CNTN5: variants seen among roughly 807,000 people sequenced by gnomAD.
CNTN5 encodes contactin-5.
In CNTN5, 77 loss-of-function variants were observed where a neutral mutation model predicts 129.1. The observed-to-expected ratio is 0.60, with a 90% confidence interval of 0.50 to 0.72. CNTN5 has a LOEUF of 0.72. Among genes scored for constraint, CNTN5 ranks in the 30% least tolerant of loss-of-function variants. CNTN5 has a pLI of 0.00. For missense variants in CNTN5, 1,478 were observed against 1,328.8 expected, an observed-to-expected ratio of 1.11 and a Z score of -1.75; for synonymous variants, 509 against 465.6, an observed-to-expected ratio of 1.09 and a Z score of -1.20.
chr11:100,340,969 G>T (rs1952145768), intron 22 of CNTN5, 124 bp from the exon 23 acceptor site: 1 of 724,158 alleles, frequency 1.4e-6, no homozygotes, highest in African/African-American at 1.8e-5. Flanking sequence ...ACTCCAGCTG[G>T]AAGGAAGCCT....
At chr11:99,514,390 C>T (rs970635558) in intron 2 of CNTN5, among the ~76,000 whole-genome samples, 3 of 152,026 alleles carry the variant, frequency 2.0e-5, no homozygotes, top group African/African-American at 7.2e-5. Flanking sequence ...AGAGGATTGA[C>T]TTCAATTCTG....
intron 2 of CNTN5, among the ~76,000 whole-genome samples, chr11:99,343,311 C>T (rs1424081119): frequency 6.6e-6 from 1 of 152,170 alleles, no homozygotes; most frequent in Admixed American, 6.5e-5. Context: ...GTATGTGTTG[C>T]TCCAAAGAAT....
chr11:100,256,055 T>C, intron 17 of CNTN5, 137 bp downstream of exon 17: 1 of 784,374 alleles, frequency 1.3e-6, no homozygotes, highest in Non-Finnish European at 2.0e-6. Context: ...GACAATTCTT[T>C]GCTTCTTTTT....
At chr11:99,158,450 T>C (rs1454812927) in intron 1 of CNTN5, among the ~76,000 whole-genome samples, 1 of 152,198 alleles carries the variant, frequency 6.6e-6, no homozygotes, top group African/African-American at 2.4e-5. Context: ...ATTTTATTCC[T>C]TATTATTTCT....
chr11:99,774,336 T>G lies in CNTN5; in HGVS notation c.56-45208T>G, dbSNP rs577010293. Among the ~76,000 whole-genome samples the G allele has an allele frequency of 3.9e-5, 6 of 152,074 alleles. No individual in the cohort carries two copies. The East Asian group carries it at 1.2e-3, about 29-fold the overall frequency. ...ATTAGCTTTAGAAAACTTCAGGTTT[T>G]TTTTTTGGGGGGGTGGGTGTTAAAT... On this transcript the variant is annotated intron_variant, in intron 3 of 24. Coordinates refer to ENST00000524871, the MANE Select transcript of CNTN5 (RefSeq NM_014361.4).
chr11:100,043,271 T>C (rs1198579133), intron 9 of CNTN5, among the ~76,000 whole-genome samples: 1 of 152,186 alleles, frequency 6.6e-6, no homozygotes, highest in East Asian at 1.9e-4. Context: ...ATATGGCATA[T>C]TCATAATGTC....
intron 7 of CNTN5, among the ~76,000 whole-genome samples, chr11:99,945,623 G>A (rs183479915): frequency 1.3e-5 from 2 of 151,372 alleles, no homozygotes; most frequent in South Asian, 2.1e-4. Context: ...AATCCTACCC[G>A]CTCAGTGTTA....
At chr11:99,923,761 A>G (rs7108002) in intron 7 of CNTN5, among the ~76,000 whole-genome samples, 3,816 of 85,748 alleles carry the variant, frequency 0.045, 76 homozygotes, top group African/African-American at 0.11. Context: ...CTGTCTGTCT[A>G]TCTATCTATC....
At chr11:99,689,751 T>C (rs933435844) in intron 3 of CNTN5, among the ~76,000 whole-genome samples, 1 of 152,042 alleles carries the variant, frequency 6.6e-6, no homozygotes, top group Non-Finnish European at 1.5e-5. Context: ...TCTCTTCATG[T>C]CCTTTGGCCA....
chr11:99,534,539 G>A (rs1565269740), intron 2 of CNTN5, among the ~76,000 whole-genome samples: 2 of 152,130 alleles, frequency 1.3e-5, no homozygotes, highest in Non-Finnish European at 2.9e-5. Flanking sequence ...GACAATTTAT[G>A]CTATAAGTCA....
intron 3 of CNTN5, among the ~76,000 whole-genome samples, chr11:99,796,830 GT>G (rs1017414872): frequency 3.9e-5 from 6 of 152,042 alleles, no homozygotes; most frequent in African/African-American, 1.2e-4. Flanking sequence ...CACTGGCTGG[GT>G]TTTTTTCCCC....
chr11:99,099,450 A>G lies in CNTN5; in HGVS notation c.-210+78180A>G, dbSNP rs145172638. On this transcript the variant is annotated intron_variant, in intron 1 of 24. Transcript: ENST00000524871. ...TATTGGAGAACTTACCGTTATGAAC[A>G]AATTTATAGATAATGTTGCAAAAGA... Among the ~76,000 whole-genome samples the G allele has an allele frequency of 9.3e-4, 142 of 152,190 alleles. 5 individuals carry two copies. In the East Asian group the frequency reaches 0.025, roughly 26 times the overall value.
At chr11:99,702,263 A>G (rs991877512) in intron 3 of CNTN5, among the ~76,000 whole-genome samples, 10 of 151,002 alleles carry the variant, frequency 6.6e-5, no homozygotes, top group Admixed American at 2.0e-4. Flanking sequence ...CATATTTCAT[A>G]TGGGTAGCAA....
intron 13 of CNTN5, among the ~76,000 whole-genome samples, chr11:100,166,036 T>A (rs914894438): frequency 6.6e-6 from 1 of 151,740 alleles, no homozygotes; most frequent in African/African-American, 2.4e-5. Flanking sequence ...GTTTACCTTC[T>A]AAATGATTGG....
At chr11:99,553,296 C>T (rs890766700) in intron 2 of CNTN5, among the ~76,000 whole-genome samples, 2 of 152,014 alleles carry the variant, frequency 1.3e-5, no homozygotes, top group African/African-American at 4.8e-5. Context: ...GTACATTAAA[C>T]TGGTAGCCAA....
At chr11:99,592,658 A>G (rs916240230) in intron 3 of CNTN5, among the ~76,000 whole-genome samples, 3 of 152,144 alleles carry the variant, frequency 2.0e-5, no homozygotes, top group Non-Finnish European at 4.4e-5. Context: ...AGAAAAGGGA[A>G]AAAAAGGTAC....
At chr11:99,812,921 A>T (rs562057455) in intron 3 of CNTN5, among the ~76,000 whole-genome samples, 1 of 151,892 alleles carries the variant, frequency 6.6e-6, no homozygotes, top group South Asian at 2.1e-4. Flanking sequence ...TATTACATGT[A>T]TTATAGTTCT....
chr11:99,392,506 C>T (rs1412671363), intron 2 of CNTN5, among the ~76,000 whole-genome samples: 1 of 151,804 alleles, frequency 6.6e-6, no homozygotes, highest in African/African-American at 2.4e-5. Flanking sequence ...TCATCCAGCC[C>T]ATCTGATGAT....
chr11:99,761,307 G>A lies in CNTN5; in HGVS notation c.56-58237G>A, dbSNP rs553267386. On this transcript the variant is annotated intron_variant, in intron 3 of 24. Coordinates refer to ENST00000524871, the MANE Select transcript of CNTN5 (RefSeq NM_014361.4). ...ATACTTTAAGTTTTAGGGTACGTGT[G>A]CACATTGTGCAGGTTTGTTACGTAT... Among the ~76,000 whole-genome samples the A allele has an allele frequency of 3.0e-3, 463 of 152,120 alleles. 1 individual carries two copies. Among genetic ancestry groups the A allele is most frequent in the Middle Eastern group, 6.8e-3 (2 of 294 alleles).
Sources: gnomAD v4.1 joint callset for allele counts (sites outside exome capture counted in the v4.1 genomes callset) on GRCh38, gnomAD v4.1.1 for gene constraint, MANE v1.5 for transcripts, NCBI Gene and HGNC (gene_info 2026-07-23, HGNC 2026-07-21) for gene names.